Variants in RUNX1 observed in about 807,000 individuals in gnomAD.
RUNX1 encodes the protein runt-related transcription factor 1.
Under a neutral mutation model 42.8 loss-of-function variants are expected in RUNX1, and 19 were observed. The observed-to-expected ratio is 0.44, with a 90% CI of 0.31 to 0.65. The LOEUF is 0.65. Ranked by LOEUF, RUNX1 falls within the 30% of genes least tolerant of loss-of-function variation. The pLI is 0.07. For synonymous variants in RUNX1, 271 were observed against 289.4 expected (o/e 0.94, Z 0.64); for missense variants, 528 against 672.0 (o/e 0.79, Z 2.37).
At chr21:34,944,752 G>A (rs1340704831) in intron 2 of RUNX1, among the ~76,000 whole-genome samples, 1 of 152,072 alleles carries the variant, frequency 6.6e-6, no homozygotes, top group Non-Finnish European at 1.5e-5. Flanking sequence ...TCATGTTGTG[G>A]CCATTAATAG....
intron 2 of RUNX1, among the ~76,000 whole-genome samples, chr21:35,020,139 ATCTT>A (rs1164027542): frequency 1.3e-5 from 2 of 152,172 alleles, no homozygotes; most frequent in Non-Finnish European, 2.9e-5. Flanking sequence ...TATTTTCTAA[ATCTT>A]TAAGAGTTGC....
At chr21:34,950,270 ATAAG>A (rs2058596870) in intron 2 of RUNX1, among the ~76,000 whole-genome samples, 1 of 152,244 alleles carries the variant, frequency 6.6e-6, no homozygotes, top group African/African-American at 2.4e-5. Flanking sequence ...TTTAGTACAC[ATAAG>A]TAATATTTTA....
intron 6 of RUNX1, among the ~76,000 whole-genome samples, chr21:34,857,341 C>T (rs576324943): frequency 6.6e-6 from 1 of 152,316 alleles, no homozygotes; most frequent in South Asian, 2.1e-4. Context: ...GTTACAATCG[C>T]ATAGACATCT....
At chr21:35,009,351 T>C (rs941796462) in intron 2 of RUNX1, among the ~76,000 whole-genome samples, 2 of 152,222 alleles carry the variant, frequency 1.3e-5, no homozygotes, top group Admixed American at 6.5e-5. Context: ...TCTAGCAGTT[T>C]ATCCACAAGG....
chr21:34,852,597 G>C (rs956556518), intron 6 of RUNX1, among the ~76,000 whole-genome samples: 2 of 152,338 alleles, frequency 1.3e-5, no homozygotes, highest in East Asian at 3.9e-4. Flanking sequence ...GTACCAGGGG[G>C]AAGTTCCCCC....
chr21:35,036,663 T>C lies in RUNX1; in HGVS notation c.58+12179A>G, dbSNP rs192597115. Among the ~76,000 whole-genome samples, 27 of 152,322 alleles carry C rather than the reference T, an allele frequency of 1.8e-4. No homozygotes were observed. The East Asian group carries it at 2.9e-3, about 16-fold the overall frequency. ...GACATGGACTTTGTGAAATGACAAA[T>C]GCCTCTGCAGAAAGGCCATTCTCAA... On this transcript the variant is annotated intron_variant, in intron 2 of 8. Coordinates refer to ENST00000675419, the MANE Select transcript of RUNX1 (RefSeq NM_001754.5).
chr21:34,889,624 C>T (rs530722465), intron 3 of RUNX1: 3 of 1,078,322 alleles, frequency 2.8e-6, no homozygotes, highest in East Asian at 6.5e-5. Flanking sequence ...GAAGCGGCCC[C>T]CGCTCCTCTC....
At chr21:35,046,634 T>C (rs1436239597) in intron 2 of RUNX1, among the ~76,000 whole-genome samples, 1 of 152,154 alleles carries the variant, frequency 6.6e-6, no homozygotes, top group South Asian at 2.1e-4. Context: ...AAAGAAATGA[T>C]ATTTTGCTAC....
intron 7 of RUNX1, among the ~76,000 whole-genome samples, chr21:34,826,971 G>C (rs1341617659): frequency 6.6e-6 from 1 of 152,152 alleles, no homozygotes; most frequent in African/African-American, 2.4e-5. Flanking sequence ...GGGCAATTCT[G>C]GTGAGGGCTC....
intron 7 of RUNX1, among the ~76,000 whole-genome samples, chr21:34,806,050 A>C (rs1287684737): frequency 6.6e-6 from 1 of 152,086 alleles, no homozygotes; most frequent in Non-Finnish European, 1.5e-5. Flanking sequence ...TAAACCTATA[A>C]AAGGTAGAAA....
intron 7 of RUNX1, among the ~76,000 whole-genome samples, chr21:34,803,221 G>GTA (rs2056632039): frequency 6.6e-6 from 1 of 152,086 alleles, no homozygotes; most frequent in Non-Finnish European, 1.5e-5. Context: ...CAGGAACTCA[G>GTA]TATCTCAACC....
chr21:34,894,601 G>A (rs1317772355), intron 2 of RUNX1, among the ~76,000 whole-genome samples: 2 of 152,058 alleles, frequency 1.3e-5, no homozygotes, highest in Non-Finnish European at 2.9e-5. Context: ...CAAACTGCAA[G>A]AGAGGGGAGG....
Position 34,907,683 on chromosome 21 carries a change from A to G in RUNX1, c.59-14720T>C, listed in dbSNP as rs9976624. 0.042 allele frequency among the ~76,000 whole-genome samples: 6,387 copies of G among 152,226 alleles called. 418 individuals carry two copies. Among genetic ancestry groups the G allele is most frequent in the African/African-American group, 0.14 (5,897 of 41,502 alleles). On this transcript the variant is annotated intron_variant, in intron 2 of 8. Coordinates refer to ENST00000675419, the MANE Select transcript of RUNX1 (RefSeq NM_001754.5). The surrounding 1 kb of genome is among the most constrained non-coding windows in gnomAD (Gnocchi z 5.3). ...AAAATCATGCCATGTAAAAGTTATC[A>G]AGAAAACCAATTAAATCATAACTGC...
At chr21:34,813,919 C>A (rs1019335971) in intron 7 of RUNX1, among the ~76,000 whole-genome samples, 1 of 151,970 alleles carries the variant, frequency 6.6e-6, no homozygotes, top group Non-Finnish European at 1.5e-5. Flanking sequence ...CAGATAGCAA[C>A]AGAGCAGGGA....
intron 2 of RUNX1, among the ~76,000 whole-genome samples, chr21:34,994,495 C>CTA (rs909159881): frequency 6.6e-5 from 10 of 151,968 alleles, no homozygotes. Context: ...TATTGCATGC[C>CTA]TATATCAAAA....
In RUNX1 at chr21:34,886,846, G is replaced by C. The variant is rs2146407756; in HGVS notation, c.348C>G (p.Phe116Leu). 1 of 1,613,284 alleles carries C rather than the reference G, an allele frequency of 6.2e-7. No individual in the cohort carries two copies. The highest frequency in any genetic ancestry group is 8.5e-7 in the Non-Finnish European group (1 of 1,179,750). ...WRCNKTLPIA[F>L]KVVALGDVPD... ...ACCACCCTCTCCGGGCCAGTACCTT[G>C]AAAGCGATGGGCAGGGTCTTGTTGC... Residue 116 changes from phenylalanine to leucine, a missense_variant, in exon 4 of 9, where the codon TTC becomes TTG. Physicochemically the swap from Phe to Leu is conservative, Grantham distance 22. Transcript: ENST00000675419.
chr21:34,861,226 C>T (rs2057570005), intron 5 of RUNX1, among the ~76,000 whole-genome samples: 1 of 152,206 alleles, frequency 6.6e-6, no homozygotes, highest in East Asian at 1.9e-4. Flanking sequence ...TGCTTTCCTA[C>T]CGTGGCATCT....
intron 2 of RUNX1, among the ~76,000 whole-genome samples, chr21:35,036,764 T>C (rs1054879236): frequency 6.6e-6 from 1 of 152,350 alleles, no homozygotes; most frequent in South Asian, 2.1e-4. Context: ...CCTGTTTACA[T>C]GAGTGACTGA....
intron 3 of RUNX1, among the ~76,000 whole-genome samples, chr21:34,891,329 G>C (rs1415510889): frequency 6.6e-6 from 1 of 152,216 alleles, no homozygotes; most frequent in Non-Finnish European, 1.5e-5. Flanking sequence ...TCCTTGACTC[G>C]ATGGGATCGC....
Sources: allele counts gnomAD v4.1 joint callset (sites outside exome capture counted in the v4.1 genomes callset), GRCh38; gene constraint gnomAD v4.1.1; non-coding constraint Gnocchi (gnomAD v3.1); transcripts MANE v1.5; gene names NCBI Gene and HGNC (gene_info 2026-07-23, HGNC 2026-07-21).